Variants in LRRC27 observed in about 807,000 individuals in gnomAD.
LRRC27 encodes the protein leucine-rich repeat-containing protein 27.
In LRRC27, 57 loss-of-function variants were observed where a neutral mutation model predicts 55.0. That is an observed-to-expected ratio of 1.04 (90% confidence interval 0.84 to 1.29). The LOEUF is 1.29. Among genes scored for constraint, LRRC27 ranks in the 50% most tolerant of loss-of-function variants. The pLI is 0.00. For missense variants in LRRC27, 721 were observed against 651.5 expected, an observed-to-expected ratio of 1.11 and a Z score of -1.16; for synonymous variants, 278 against 251.9, an observed-to-expected ratio of 1.10 and a Z score of -0.98.
intron 9 of LRRC27, among the ~76,000 whole-genome samples, chr10:132,364,811 C>A (rs1190646504): frequency 1.2e-3 from 149 of 124,662 alleles, no homozygotes; most frequent in African/African-American, 4.7e-3. Context: ...CCCACACTTA[C>A]ACCCACCCTT....
At chr10:132,364,369 ACACC>A (rs1286905146) in intron 9 of LRRC27, among the ~76,000 whole-genome samples, 14 of 17,056 alleles carry the variant, frequency 8.2e-4, no homozygotes, top group African/African-American at 2.8e-3. Flanking sequence ...ACCCGCGCTT[ACACC>A]CACCCACACT....
At chr10:132,336,893 C>T in intron 2 of LRRC27, 2 of 691,594 alleles carry the variant, frequency 2.9e-6, no homozygotes, top group Non-Finnish European at 5.2e-6. Flanking sequence ...TCCTTCCACA[C>T]TGTGACTGTA....
intron 10 of LRRC27, among the ~76,000 whole-genome samples, chr10:132,370,465 A>G (rs927340684): frequency 6.6e-6 from 1 of 152,206 alleles, no homozygotes; most frequent in Non-Finnish European, 1.5e-5. Context: ...AGCCAGAGGA[A>G]GGGGTTTTAA....
intron 9 of LRRC27, among the ~76,000 whole-genome samples, chr10:132,364,796 A>C (rs2068960838): frequency 2.7e-5 from 3 of 112,242 alleles, no homozygotes; most frequent in African/African-American, 7.7e-5. Context: ...CCACACTCAC[A>C]CCCACCCACA....
Position 132,364,377 on chromosome 10 carries a change from C to A in LRRC27, c.1290-1047C>A, listed in dbSNP as rs1329007019. ...CCTCCACACCCGCGCTTACACCCAC[C>A]CACACTTACACCCACCCTTACATCT... On this transcript the variant is annotated intron_variant, in intron 9 of 10. Coordinates refer to ENST00000368614, the MANE Select transcript of LRRC27 (RefSeq NM_030626.3). 3.2e-4 allele frequency among the ~76,000 whole-genome samples: 27 copies of A among 84,860 alleles called. 3 individuals carry two copies. The highest frequency in any genetic ancestry group is 1.3e-3 in the African/African-American group (23 of 17,894). 55.7% of individuals were successfully genotyped at this position (84,860 alleles called of 152,430 possible).
At chr10:132,331,109 G>A (rs2066695719), upstream of LRRC27, among the ~76,000 whole-genome samples, 1 of 146,182 alleles carries the variant, frequency 6.8e-6, no homozygotes, top group African/African-American at 2.6e-5. Flanking sequence ...GCTGAGGCAG[G>A]AGAATTGCTT....
upstream of LRRC27, chr10:132,331,424 C>G: frequency 1.2e-6 from 2 of 1,604,694 alleles, no homozygotes; most frequent in Non-Finnish European, 1.7e-6. Flanking sequence ...AACCCTTCCT[C>G]AGGACACTCA....
chr10:132,370,313 C>G (rs931118830), intron 10 of LRRC27, among the ~76,000 whole-genome samples: 1 of 152,200 alleles, frequency 6.6e-6, no homozygotes, highest in Admixed American at 6.5e-5. Flanking sequence ...TGCCAAGATC[C>G]AGGGAGGGAT....
At chr10:132,360,379 A>G (rs1458333031) in intron 8 of LRRC27, among the ~76,000 whole-genome samples, 3 of 152,124 alleles carry the variant, frequency 2.0e-5, no homozygotes, top group African/African-American at 7.2e-5. Context: ...TACAGGTGTG[A>G]GCCACTGCGC....
intron 10 of LRRC27, among the ~76,000 whole-genome samples, chr10:132,370,221 T>TA (rs1564859730): frequency 1.3e-5 from 2 of 152,234 alleles, no homozygotes; most frequent in South Asian, 4.1e-4. Context: ...TCTCTGTGAT[T>TA]AAAAAAAATT....
chr10:132,370,532 G>T (rs1264568284), intron 10 of LRRC27, among the ~76,000 whole-genome samples: 1 of 152,192 alleles, frequency 6.6e-6, no homozygotes, highest in Non-Finnish European at 1.5e-5. Context: ...GGTGAATTGT[G>T]TTGAGACAGG....
chr10:132,331,518 G>A (rs1243630131), upstream of LRRC27: 1 of 1,612,792 alleles, frequency 6.2e-7, no homozygotes, highest in Non-Finnish European at 8.5e-7. Context: ...GCGTTCCCCT[G>A]GCAGCAAGTC....
chr10:132,379,475 C>T lies in LRRC27; in HGVS notation c.*4233C>T, dbSNP rs990878832. ...GCTCCTCTCCAGAGTTTCCTCTCAC[C>T]TCCGTGTTCTCGTTCTCATCTCTGC... On this transcript the variant is annotated 3_prime_UTR_variant, in exon 11 of 11. Coordinates refer to ENST00000368614, the MANE Select transcript of LRRC27 (RefSeq NM_030626.3). 6.6e-6 allele frequency: 1 copy of T among 152,480 alleles called. No homozygotes were observed. The highest frequency in any genetic ancestry group is 1.5e-5 in the Non-Finnish European group (1 of 68,198). 9.4% of individuals were successfully genotyped at this position (152,480 alleles called of 1,614,324 possible).
At position 132,332,239 on chromosome 10, in the gene LRRC27, T is replaced by C. The variant is rs1032542800; in HGVS notation, c.-66T>C. 4 of 153,372 alleles carry C rather than the reference T, an allele frequency of 2.6e-5. No individual in the cohort carries two copies. The highest frequency in any genetic ancestry group is 9.6e-5 in the African/African-American group (4 of 41,590). The allele number at this position is 153,372 out of a possible 1,614,324, so 9.5% of individuals were successfully genotyped here. A position where few individuals can be genotyped will look rare whatever the true frequency, so the allele number is the denominator to read the frequency against. On this transcript the variant is annotated 5_prime_UTR_variant, in exon 1 of 11. Coordinates refer to ENST00000368614, the MANE Select transcript of LRRC27 (RefSeq NM_030626.3). ...GCGGCGGGGCTCGCCAGCGCTTCAG[T>C]GGGCGGGGACGCGGCAGGTGAGACG...
At chr10:132,364,409 A>ACGCCCACAATTACACC (rs1402375501) in intron 9 of LRRC27, among the ~76,000 whole-genome samples, 251 of 16,740 alleles carry the variant, frequency 0.015, 15 homozygotes, top group Non-Finnish European at 0.031. Context: ...ATCTACCTCC[A>ACGCCCACAATTACACC]CACCCGCGCT....
In LRRC27 at chr10:132,351,669, T is replaced by C. The variant is rs1432184650; in HGVS notation, c.989T>C (p.Ile330Thr). Reference sequence around the variant, plus strand: ...CTCTTGTCACCGTACCAAATGGCGATCCGAGCAAAAAGACTGGAAGAGAGC... The same window carrying C: ...CTCTTGTCACCGTACCAAATGGCGACCCGAGCAAAAAGACTGGAAGAGAGC... ...PDLLSPYQMAIRAKRLEESRA... is the reference protein window; with the variant it reads ...PDLLSPYQMATRAKRLEESRA... Residue 330 changes from isoleucine to threonine, a missense_variant, in exon 7 of 11, where the codon ATC (isoleucine) becomes ACC (threonine). By Grantham distance (89) the Ile-to-Thr change is moderately conservative. Coordinates refer to ENST00000368614, the MANE Select transcript of LRRC27 (RefSeq NM_030626.3). The C allele has an allele frequency of 6.2e-7, 1 of 1,614,000 alleles. No individual in the cohort carries two copies. Among genetic ancestry groups the C allele is most frequent in the Non-Finnish European group, 8.5e-7 (1 of 1,180,000 alleles).
At chr10:132,339,906 A>T (rs2067322381) in intron 3 of LRRC27, among the ~76,000 whole-genome samples, 1 of 152,242 alleles carries the variant, frequency 6.6e-6, no homozygotes, top group Non-Finnish European at 1.5e-5. Context: ...TTTTGGAGGT[A>T]TACTTTTATT....
chr10:132,367,253 T>C (rs1173354397), intron 10 of LRRC27, among the ~76,000 whole-genome samples: 4 of 152,216 alleles, frequency 2.6e-5, no homozygotes, highest in African/African-American at 9.6e-5. Flanking sequence ...CAATAATTAA[T>C]TACCTTCCAA....
upstream of LRRC27, chr10:132,331,889 C>A (rs1314628127): frequency 1.9e-6 from 2 of 1,060,820 alleles, no homozygotes; most frequent in African/African-American, 1.6e-5. Flanking sequence ...GCACCACCCC[C>A]TGCCACCCCC....
Sources: allele counts gnomAD v4.1 joint callset (sites outside exome capture counted in the v4.1 genomes callset), GRCh38; gene constraint gnomAD v4.1.1; transcripts MANE v1.5; gene names NCBI Gene and HGNC (gene_info 2026-07-23, HGNC 2026-07-21).